The following LHFPL3 variants were observed in gnomAD, a reference collection of about 807,000 sequenced individuals.
The protein encoded by LHFPL3 is LHFPL tetraspan subfamily member 3 protein.
In LHFPL3, 5 loss-of-function variants were observed where a neutral mutation model predicts 19.3. That is an observed-to-expected ratio of 0.26 (90% CI 0.14 to 0.54). The LOEUF (loss-of-function observed/expected upper bound fraction) is 0.54, where lower values mean the gene tolerates loss of function less well. Ranked by LOEUF, LHFPL3 falls within the 20% of genes least tolerant of loss-of-function variation. The pLI is 0.94. For missense variants in LHFPL3, 249 were observed against 307.4 expected, an observed-to-expected ratio of 0.81 and a Z score of 1.42; for synonymous variants, 133 against 126.2, an observed-to-expected ratio of 1.05 and a Z score of -0.36.
At chr7:104,574,538 A>G (rs1377514694) in intron 1 of LHFPL3, among the ~76,000 whole-genome samples, 2 of 152,154 alleles carry the variant, frequency 1.3e-5, no homozygotes, top group African/African-American at 2.4e-5. Flanking sequence ...TCCTAATCCT[A>G]TTGGAGTCTT....
At chr7:104,879,600 T>G (rs532887069) in intron 2 of LHFPL3, among the ~76,000 whole-genome samples, 1 of 152,140 alleles carries the variant, frequency 6.6e-6, no homozygotes, top group Non-Finnish European at 1.5e-5. Flanking sequence ...TGGCACACAC[T>G]TGTAGTCCTA....
At chr7:104,352,273 T>C (rs192157972) in intron 1 of LHFPL3, among the ~76,000 whole-genome samples, 1 of 152,150 alleles carries the variant, frequency 6.6e-6, no homozygotes, top group African/African-American at 2.4e-5. Context: ...ATTGTAAGCA[T>C]AGAAAATGAA....
intron 1 of LHFPL3, among the ~76,000 whole-genome samples, chr7:104,529,240 T>C (rs184260489): frequency 1.3e-5 from 2 of 152,192 alleles, no homozygotes; most frequent in African/African-American, 4.8e-5. Context: ...TCCTTAGATA[T>C]TCTCTTGCTG....
chr7:104,618,672 A>G (rs1791390680), intron 1 of LHFPL3, among the ~76,000 whole-genome samples: 1 of 152,148 alleles, frequency 6.6e-6, no homozygotes, highest in Non-Finnish European at 1.5e-5. Context: ...ATTCTTTAAA[A>G]AAAAAAAAGT....
Position 104,565,019 on chromosome 7 carries a change from G to A in LHFPL3, c.446-171656G>A, listed in dbSNP as rs187718685. On this transcript the variant is annotated intron_variant, in intron 1 of 2. Coordinates refer to ENST00000424859, the MANE Select transcript of LHFPL3 (RefSeq NM_199000.3). ...CAAAAGAAGTCAGTGATGGAATCTT[G>A]TGAACCTGGAAAATTAAATAACTTT... 2.2e-4 allele frequency among the ~76,000 whole-genome samples: 34 copies of A among 152,326 alleles called. 1 individual carries two copies. In the East Asian group the frequency reaches 6.4e-3, roughly 28 times the overall value.
rs569243352 is a variant in LHFPL3, at chr7:104,694,012, T to C, written c.446-42663T>C. On this transcript the variant is annotated intron_variant, in intron 1 of 2. Coordinates refer to ENST00000424859, the MANE Select transcript of LHFPL3 (RefSeq NM_199000.3). The stretch of plus-strand genomic sequence containing the variant: ...AGAACAGAGTAATACATTTATGTTC[T>C]GCATAAACTGGGTTTGCTAAGCTAG... 7.9e-5 allele frequency among the ~76,000 whole-genome samples: 12 copies of C among 152,346 alleles called. No individual in the cohort carries two copies. The East Asian group carries it at 2.3e-3, about 29-fold the overall frequency.
At chr7:104,384,702 A>G (rs1966309) in intron 1 of LHFPL3, among the ~76,000 whole-genome samples, 62,331 of 150,108 alleles carry the variant, frequency 0.42, 13,257 homozygotes, top group Admixed American at 0.54. Flanking sequence ...CAGGAGAATC[A>G]CTTGAACCTG....
At chr7:104,808,452 T>A (rs1354815633) in intron 2 of LHFPL3, among the ~76,000 whole-genome samples, 4 of 152,188 alleles carry the variant, frequency 2.6e-5, no homozygotes, top group African/African-American at 9.7e-5. Flanking sequence ...CTGGCCTACT[T>A]AGGGCCCAGC....
chr7:104,517,319 C>A (rs1168971973), intron 1 of LHFPL3, among the ~76,000 whole-genome samples: 1 of 151,556 alleles, frequency 6.6e-6, no homozygotes, highest in South Asian at 2.1e-4. Flanking sequence ...AAATTGTTAA[C>A]CTTAAAAATA....
chr7:104,630,375 C>A (rs1174922764), intron 1 of LHFPL3, among the ~76,000 whole-genome samples: 1 of 151,910 alleles, frequency 6.6e-6, no homozygotes, highest in African/African-American at 2.4e-5. Flanking sequence ...GAGGTAATTG[C>A]ATAGGAAAAA....
At position 104,506,912 on chromosome 7, in the gene LHFPL3, G is replaced by A. The variant is rs187047030; in HGVS notation, c.445+177688G>A. Among the ~76,000 whole-genome samples, 902 of 152,306 alleles carry A rather than the reference G, an allele frequency of 5.9e-3. 7 individuals carry two copies. The highest frequency in any genetic ancestry group is 0.017 in the Admixed American group (255 of 15,290). Reference sequence around the variant, plus strand: ...AGGAGATTTAGAAAAAACAAATTGTGATTAAAGGGAAGTAATATAAGTAGC... The same window carrying A: ...AGGAGATTTAGAAAAAACAAATTGTAATTAAAGGGAAGTAATATAAGTAGC... On this transcript the variant is annotated intron_variant, in intron 1 of 2. Coordinates refer to ENST00000424859, the MANE Select transcript of LHFPL3 (RefSeq NM_199000.3).
chr7:104,697,701 A>G (rs1366271386), intron 1 of LHFPL3, among the ~76,000 whole-genome samples: 1 of 152,232 alleles, frequency 6.6e-6, no homozygotes, highest in African/African-American at 2.4e-5. Flanking sequence ...TGAGCTTTTC[A>G]TCTAACTTGT....
At chr7:104,843,908 C>A (rs1293353440) in intron 2 of LHFPL3, among the ~76,000 whole-genome samples, 2 of 152,148 alleles carry the variant, frequency 1.3e-5, no homozygotes, top group African/African-American at 4.8e-5. Flanking sequence ...GGCCCATCTA[C>A]ATGAGCAAAT....
At chr7:104,594,283 C>G (rs1366724533) in intron 1 of LHFPL3, among the ~76,000 whole-genome samples, 2 of 152,122 alleles carry the variant, frequency 1.3e-5, no homozygotes, top group African/African-American at 4.8e-5. Context: ...TTTTATTTCT[C>G]CTTCAATTAT....
At chr7:104,415,507 A>G (rs1362830574) in intron 1 of LHFPL3, among the ~76,000 whole-genome samples, 3 of 152,272 alleles carry the variant, frequency 2.0e-5, no homozygotes, top group Non-Finnish European at 4.4e-5. Context: ...AATTAATAAT[A>G]TTATATAAAA....
intron 1 of LHFPL3, among the ~76,000 whole-genome samples, chr7:104,688,691 G>C (rs898857551): frequency 6.6e-6 from 1 of 152,088 alleles, no homozygotes; most frequent in African/African-American, 2.4e-5. Context: ...GCAGTTGCCA[G>C]GCAAGACAAG....
intron 1 of LHFPL3, among the ~76,000 whole-genome samples, chr7:104,389,180 A>C (rs1019388503): frequency 1.3e-5 from 2 of 152,216 alleles, no homozygotes; most frequent in African/African-American, 4.8e-5. Flanking sequence ...GCAAGGCTAC[A>C]GGATACAAAA....
At chr7:104,824,101 G>A in intron 2 of LHFPL3, among the ~76,000 whole-genome samples, 1 of 115,360 alleles carries the variant, frequency 8.7e-6, no homozygotes, top group African/African-American at 3.5e-5. Flanking sequence ...AGCCAACATT[G>A]TGCCACTGCA....
intron 1 of LHFPL3, among the ~76,000 whole-genome samples, chr7:104,429,734 T>C (rs1791919262): frequency 6.6e-6 from 1 of 152,130 alleles, no homozygotes; most frequent in African/African-American, 2.4e-5. Flanking sequence ...AAAGGTAGGA[T>C]AATAATAAGT....
Sources: gnomAD v4.1 joint callset for allele counts (sites outside exome capture counted in the v4.1 genomes callset) on GRCh38, gnomAD v4.1.1 for gene constraint, MANE v1.5 for transcripts, NCBI Gene and HGNC (gene_info 2026-07-23, HGNC 2026-07-21) for gene names.